ZNF721: variants seen among roughly 807,000 people sequenced by gnomAD.
ZNF721 encodes zinc finger protein 721.
A neutral mutation model predicts 2.4 loss-of-function variants in ZNF721; 2 were observed. The ratio of observed to expected loss-of-function variants is 0.82; its 90% CI spans 0.34 to 2.58. The LOEUF (loss-of-function observed/expected upper bound fraction) is 2.58. ZNF721 is among the 30% of genes most tolerant of loss of function. ZNF721 has a pLI of 0.11. For synonymous variants in ZNF721, 398 were observed against 381.8 expected (o/e 1.04, Z -0.50); for missense variants, 1,187 against 1,085.5 (o/e 1.09, Z -1.31).
chr4:499,097 G>T lies in ZNF721; in HGVS notation c.-135C>A, dbSNP rs1244721253. 7.4e-6 allele frequency: 4 copies of T among 539,262 alleles called. No individual in the cohort carries two copies. Among genetic ancestry groups the T allele is most frequent in the Non-Finnish European group, 9.7e-6 (3 of 310,782 alleles). The allele number at this position is 539,262 out of a possible 1,614,324, so 33.4% of individuals were successfully genotyped here. On this transcript the variant is annotated 5_prime_UTR_variant, in exon 1 of 3. Transcript: ENST00000511833. ...ACCGTCGCGGACTCGCCGGGAAGAC[G>T]GCCCCACGGAGCCGGGAACACCGCC... is the stretch of plus-strand genomic sequence containing the variant.
intron 1 of ZNF721, among the ~76,000 whole-genome samples, chr4:489,501 C>T (rs1258768159): frequency 6.6e-6 from 1 of 152,242 alleles, no homozygotes; most frequent in Middle Eastern, 3.2e-3. Flanking sequence ...CAAACAGTGA[C>T]TGGGAGACCA....
intron 2 of ZNF721, among the ~76,000 whole-genome samples, chr4:456,958 A>T (rs1714867964): frequency 6.6e-6 from 1 of 152,200 alleles, no homozygotes. Flanking sequence ...AGTTGAAAGA[A>T]TAAAAAATTC....
At chr4:453,131 G>T (rs1458726957) in intron 2 of ZNF721, among the ~76,000 whole-genome samples, 1 of 152,224 alleles carries the variant, frequency 6.6e-6, no homozygotes, top group Non-Finnish European at 1.5e-5. Flanking sequence ...CTCGACGCTA[G>T]AAGGCCGTGG....
intron 2 of ZNF721, among the ~76,000 whole-genome samples, chr4:457,462 T>C (rs782763947): frequency 2.0e-5 from 3 of 152,220 alleles, no homozygotes; most frequent in African/African-American, 4.8e-5. Flanking sequence ...CCAATTTTCA[T>C]TGTAGACTTA....
At chr4:448,356 A>C (rs1553864427) in intron 2 of ZNF721, among the ~76,000 whole-genome samples, 1 of 151,960 alleles carries the variant, frequency 6.6e-6, no homozygotes, top group Non-Finnish European at 1.5e-5. Flanking sequence ...GAATGGCGTG[A>C]ATCTGGGAGG....
At chr4:451,968 C>A (rs1368902350) in intron 2 of ZNF721, among the ~76,000 whole-genome samples, 1 of 152,100 alleles carries the variant, frequency 6.6e-6, no homozygotes, top group African/African-American at 2.4e-5. Flanking sequence ...GCAGGGAATC[C>A]CAGTTGGTAA....
chr4:480,823 T>TGGGG (rs781937085), intron 1 of ZNF721, among the ~76,000 whole-genome samples: 6 of 91,588 alleles, frequency 6.6e-5, no homozygotes, highest in African/African-American at 2.3e-4. Context: ...TCACCTTTTG[T>TGGGG]GGGGGGGGGG....
chr4:460,282 A>T (rs879972787), intron 2 of ZNF721, among the ~76,000 whole-genome samples: 2 of 152,102 alleles, frequency 1.3e-5, no homozygotes, highest in Admixed American at 6.5e-5. Flanking sequence ...CAGGATTAAG[A>T]AACTCAAAAC....
At position 450,956 on chromosome 4, in the gene ZNF721, A is replaced by AATATAT. The variant is rs71166812; in HGVS notation, c.35-6530_35-6525dup. ...TGTCTCCAAAAAAAAAAAAAAAAAAAATATATATATATATATATATATATA... is the reference window on the plus strand; with the variant it reads ...TGTCTCCAAAAAAAAAAAAAAAAAAAATATATATATATATATATATATATATATATA... On this transcript the variant is annotated intron_variant, in intron 2 of 2. Coordinates refer to ENST00000511833, the MANE Select transcript of ZNF721 (RefSeq NM_133474.4). Among the ~76,000 whole-genome samples the AATATAT allele has an allele frequency of 3.9e-4, 25 of 63,738 alleles. 2 individuals are homozygous for AATATAT. Among genetic ancestry groups the AATATAT allele is most frequent in the African/African-American group, 1.9e-3 (25 of 12,904 alleles). 41.8% of individuals were successfully genotyped at this position (63,738 alleles called of 152,430 possible).
intron 1 of ZNF721, among the ~76,000 whole-genome samples, chr4:496,886 G>T (rs2108727046): frequency 6.6e-6 from 1 of 151,028 alleles, no homozygotes; most frequent in South Asian, 2.1e-4. Flanking sequence ...CTAATTTTTT[G>T]TATTTTTAGT....
At chr4:458,673 C>G (rs1305930192) in intron 2 of ZNF721, among the ~76,000 whole-genome samples, 4 of 152,106 alleles carry the variant, frequency 2.6e-5, no homozygotes, top group Non-Finnish European at 5.9e-5. Context: ...TGGCAAGACC[C>G]CATCTCTACT....
At chr4:470,198 T>A (rs1553867411) in intron 2 of ZNF721, among the ~76,000 whole-genome samples, 1 of 152,176 alleles carries the variant, frequency 6.6e-6, no homozygotes, top group Non-Finnish European at 1.5e-5. Context: ...GATCATTGTC[T>A]TATACCATAC....
intron 2 of ZNF721, among the ~76,000 whole-genome samples, chr4:462,832 C>T (rs930897452): frequency 7.9e-5 from 12 of 152,156 alleles, no homozygotes; most frequent in Non-Finnish European, 1.6e-4. Context: ...CCATTCAGGA[C>T]ACGGGCATGG....
intron 2 of ZNF721, among the ~76,000 whole-genome samples, chr4:447,298 G>C (rs1413432210): frequency 6.6e-6 from 1 of 151,638 alleles, no homozygotes; most frequent in Non-Finnish European, 1.5e-5. Context: ...CTCCATCCTG[G>C]GTGACTGAGC....
chr4:444,548 G>T, intron 2 of ZNF721, 116 bp from the exon 3 acceptor site: 2 of 1,054,764 alleles, frequency 1.9e-6, no homozygotes, highest in Non-Finnish European at 2.7e-6. Context: ...AATACCACAA[G>T]TCATAACTTC....
chr4:479,846 A>T (rs1201258291), intron 1 of ZNF721, among the ~76,000 whole-genome samples: 2 of 152,212 alleles, frequency 1.3e-5, no homozygotes, highest in East Asian at 3.8e-4. Context: ...CTGATTTAAA[A>T]CATCTGCCCT....
At position 441,605 on chromosome 4, in the gene ZNF721, C is replaced by T. The variant is rs1468640146; in HGVS notation, c.*90G>A. 3.6e-6 allele frequency: 4 copies of T among 1,113,262 alleles called. No individual in the cohort carries two copies. In the African/African-American group the frequency reaches 4.7e-5, roughly 13 times the overall value. The allele number at this position is 1,113,262 out of a possible 1,614,324, so 69.0% of individuals were successfully genotyped here. A position where few individuals can be genotyped will look rare whatever the true frequency, so the allele number is the denominator to read the frequency against. ...ATTGAGGAGCATTTAAAGACCGCGA[C>T]ATTCGTCACCTTCGTAAGACATTCC... On this transcript the variant is annotated 3_prime_UTR_variant, in exon 3 of 3. Transcript: ENST00000511833.
intron 2 of ZNF721, among the ~76,000 whole-genome samples, chr4:454,697 T>C (rs1553865247): frequency 6.6e-6 from 1 of 152,142 alleles, no homozygotes; most frequent in Non-Finnish European, 1.5e-5. Flanking sequence ...TGAGGCCGAA[T>C]GTGGAGGAAA....
chr4:463,016 G>T (rs1576961762), intron 2 of ZNF721, among the ~76,000 whole-genome samples: 1 of 152,180 alleles, frequency 6.6e-6, no homozygotes, highest in Middle Eastern at 3.4e-3. Flanking sequence ...TCTGACAAAG[G>T]AATAATATCC....
Sources: gnomAD v4.1 joint callset for allele counts (sites outside exome capture counted in the v4.1 genomes callset) on GRCh38, gnomAD v4.1.1 for gene constraint, MANE v1.5 for transcripts, NCBI Gene and HGNC (gene_info 2026-07-23, HGNC 2026-07-21) for gene names.